The following DIABLO variants were observed in gnomAD, a reference collection of about 807,000 sequenced individuals.
DIABLO encodes diablo IAP-binding mitochondrial protein.
In DIABLO, 32 loss-of-function variants were observed where a neutral mutation model predicts 31.7. The observed-to-expected ratio is 1.01, with a 90% CI of 0.76 to 1.35. The LOEUF (loss-of-function observed/expected upper bound fraction) is 1.35. Among genes scored for constraint, DIABLO ranks in the 40% most tolerant of loss-of-function variants. The pLI is 0.00. For missense variants in DIABLO, 316 were observed against 286.4 expected, an observed-to-expected ratio of 1.10 and a Z score of -0.75; for synonymous variants, 132 against 103.2, an observed-to-expected ratio of 1.28 and a Z score of -1.69.
At chr12:122,220,261 T>A (rs1330475242) in intron 2 of DIABLO, among the ~76,000 whole-genome samples, 1 of 151,914 alleles carries the variant, frequency 6.6e-6, no homozygotes, top group Non-Finnish European at 1.5e-5. Flanking sequence ...TCAGCTATTT[T>A]AAAAAAGGAA....
intron 2 of DIABLO, chr12:122,218,669 C>T (rs996512349): frequency 6.8e-5 from 28 of 409,826 alleles, no homozygotes; most frequent in African/African-American, 2.9e-4. Flanking sequence ...TGGCGGGGTA[C>T]GGTGGCTCAC....
In DIABLO at chr12:122,208,413, A is replaced by C; in HGVS notation, c.688T>G (p.Ser230Ala). 1 of 1,612,800 alleles carries C rather than the reference A, an allele frequency of 6.2e-7. No homozygotes were observed. Among genetic ancestry groups the C allele is most frequent in the Non-Finnish European group, 8.5e-7 (1 of 1,179,882 alleles). The change falls in exon 6 of 6, where the codon TCG becomes GCG. Residue 230 changes from serine (S) to alanine (A), a missense_variant. Transcript: ENST00000464942. ...TCACGCAGGTAGGCCTCCTGCTCCGACTCAGCCCGCTCCTCCCCTTCCTCC... is the reference window on the plus strand; with the variant it reads ...TCACGCAGGTAGGCCTCCTGCTCCGCCTCAGCCCGCTCCTCCCCTTCCTCC... ...TQEEGEERAE[S>A]EQEAYLRED is the part of the protein sequence containing the mutation.
chr12:122,225,785 A>G, intron 1 of DIABLO, 180 bp downstream of exon 1: 1 of 1,453,966 alleles, frequency 6.9e-7, no homozygotes, highest in Non-Finnish European at 9.0e-7. Context: ...GCCGGGCTTG[A>G]CCCAGGGGGC....
At chr12:122,214,712 CCA>C (rs1954166301) in intron 5 of DIABLO, among the ~76,000 whole-genome samples, 2 of 152,040 alleles carry the variant, frequency 1.3e-5, no homozygotes, top group South Asian at 4.1e-4. Flanking sequence ...CTGACTCATC[CCA>C]GTTTCTTTTT....
Position 122,223,433 on chromosome 12 carries a change from T to TAA in DIABLO, c.183+1077_183+1078dup, listed in dbSNP as rs34214105. On this transcript the variant is annotated intron_variant, in intron 2 of 5. Transcript: ENST00000464942. ...TGGCAACAGAGTGAGACTCTGTCTT[T>TAA]AAAAAAAAAAAAAAAAAATATCTTC... Among the ~76,000 whole-genome samples, 56 of 140,012 alleles carry TAA rather than the reference T, an allele frequency of 4.0e-4. 2 individuals carry two copies. The highest frequency in any genetic ancestry group is 1.3e-3 in the East Asian group (6 of 4,776). 91.9% of individuals were successfully genotyped at this position (140,012 alleles called of 152,430 possible). A position where few individuals can be genotyped will look rare whatever the true frequency, so the allele number is the denominator to read the frequency against.
At chr12:122,219,482 T>C (rs11836373) in intron 2 of DIABLO, among the ~76,000 whole-genome samples, 12,294 of 152,074 alleles carry the variant, frequency 0.081, 636 homozygotes, top group African/African-American at 0.14. Flanking sequence ...ACTGGGGGCA[T>C]GCAGAAGGGA....
At chr12:122,224,349 G>C (rs891811716) in intron 2 of DIABLO, among the ~76,000 whole-genome samples, 163 bp downstream of exon 2, 2 of 152,018 alleles carry the variant, frequency 1.3e-5, no homozygotes, top group African/African-American at 4.8e-5. Flanking sequence ...ATCAAAATGA[G>C]AATATTAATA....
chr12:122,213,771 A>C (rs1954141285), intron 5 of DIABLO, among the ~76,000 whole-genome samples: 1 of 151,120 alleles, frequency 6.6e-6, no homozygotes, highest in African/African-American at 2.4e-5. Flanking sequence ...CCTCAGGATC[A>C]CTACTTTTTC....
chr12:122,214,073 A>G (rs1954148984), intron 5 of DIABLO, among the ~76,000 whole-genome samples: 2 of 152,002 alleles, frequency 1.3e-5, no homozygotes, highest in Non-Finnish European at 2.9e-5. Flanking sequence ...GGATGGAATG[A>G]GACTGTCTCA....
chr12:122,208,161 G>GT lies in DIABLO; in HGVS notation c.*219dup. The GT allele has an allele frequency of 1.4e-6, 1 of 700,178 alleles. No homozygotes were observed. The highest frequency in any genetic ancestry group is 3.7e-4 in the Middle Eastern group (1 of 2,722). The allele number at this position is 700,178 out of a possible 1,614,324, so 43.4% of individuals were successfully genotyped here. ...GCAGCTGTACAGAGTGGGGTGAAAT[G>GT]TTAAACAGGGTGCAGTGCCCAAGGG... On this transcript the variant is annotated 3_prime_UTR_variant, in exon 6 of 6. Transcript: ENST00000464942.
chr12:122,208,662 T>G, intron 5 of DIABLO, 85 bp from the exon 6 acceptor site: 1 of 1,410,094 alleles, frequency 7.1e-7, no homozygotes, highest in South Asian at 1.2e-5. Flanking sequence ...GTGCTGTGGC[T>G]GTCATCTGAA....
intron 5 of DIABLO, chr12:122,208,874 GATTA>G (rs1382175608): frequency 1.7e-5 from 8 of 458,570 alleles, no homozygotes; most frequent in African/African-American, 4.0e-5. Context: ...ACAGACCTTT[GATTA>G]ATTTTTTTAA....
chr12:122,212,629 T>A (rs747969561), intron 5 of DIABLO, among the ~76,000 whole-genome samples: 2 of 123,192 alleles, frequency 1.6e-5, no homozygotes, highest in African/African-American at 7.4e-5. Context: ...TTATTTATTT[T>A]TGTTTTTTTT....
At chr12:122,222,593 T>TAAAAAAAAAAAAAAAAAA (rs1566028336) in intron 2 of DIABLO, 2 of 89,750 alleles carry the variant, frequency 2.2e-5, no homozygotes, top group African/African-American at 6.4e-5. Flanking sequence ...AAAAAAAAAT[T>TAAAAAAAAAAAAAAAAAA]TTTGGAATCT....
At chr12:122,225,921 T>C (rs1158620185) in intron 1 of DIABLO, 44 bp downstream of exon 1, 4 of 1,560,234 alleles carry the variant, frequency 2.6e-6, no homozygotes, top group Admixed American at 1.9e-5. Context: ...TCCGCGTCGG[T>C]CCCTCCCTCT....
At chr12:122,216,683 T>C (rs976987978) in intron 4 of DIABLO, 76 bp downstream of exon 4, 3 of 1,551,836 alleles carry the variant, frequency 1.9e-6, no homozygotes, top group Middle Eastern at 1.7e-4. Flanking sequence ...TTATATTGAT[T>C]AGACTTAATT....
chr12:122,215,883 GAAAA>G (rs60645708), intron 5 of DIABLO, among the ~76,000 whole-genome samples: 7 of 94,272 alleles, frequency 7.4e-5, no homozygotes, highest in African/African-American at 2.5e-4. Context: ...TTTTATGAAG[GAAAA>G]AAAAAAAAAA....
chr12:122,220,935 T>G (rs959317889), intron 2 of DIABLO: 1 of 152,258 alleles, frequency 6.6e-6, no homozygotes, highest in Non-Finnish European at 1.5e-5. Flanking sequence ...TGCTACATTT[T>G]ATAATGTGTT....
chr12:122,214,854 C>G (rs1011074136), intron 5 of DIABLO, among the ~76,000 whole-genome samples: 2 of 152,138 alleles, frequency 1.3e-5, no homozygotes, highest in Non-Finnish European at 2.9e-5. Context: ...CTACACCTGG[C>G]TAATTTTTGT....
Sources: allele counts gnomAD v4.1 joint callset (sites outside exome capture counted in the v4.1 genomes callset), GRCh38; gene constraint gnomAD v4.1.1; transcripts MANE v1.5; gene names NCBI Gene and HGNC (gene_info 2026-07-23, HGNC 2026-07-21).